RAF1: variants seen among roughly 807,000 people sequenced by gnomAD.
RAF1 encodes the protein Raf-1 proto-oncogene, serine/threonine kinase, also known as RAF proto-oncogene serine/threonine-protein kinase.
In RAF1, 27 loss-of-function variants were observed where a neutral mutation model predicts 81.1. That is an observed-to-expected ratio of 0.33 (90% CI 0.25 to 0.46). The LOEUF (loss-of-function observed/expected upper bound fraction) is 0.46, where lower values mean the gene tolerates loss of function less well. Ranked by LOEUF, RAF1 falls within the 20% of genes least tolerant of loss-of-function variation. The pLI is 1.00. For synonymous variants in RAF1, 298 were observed against 294.0 expected (o/e 1.01, Z -0.14); for missense variants, 598 against 826.0 (o/e 0.72, Z 3.38).
At chr3:12,651,788 T>A (rs1286463151) in intron 1 of RAF1, among the ~76,000 whole-genome samples, 1 of 151,312 alleles carries the variant, frequency 6.6e-6, no homozygotes, top group Non-Finnish European at 1.5e-5. Context: ...GGCGGGCAAA[T>A]CACTTGAGGT....
At chr3:12,652,304 T>C (rs1213725250) in intron 1 of RAF1, among the ~76,000 whole-genome samples, 1 of 151,718 alleles carries the variant, frequency 6.6e-6, no homozygotes, top group Non-Finnish European at 1.5e-5. Flanking sequence ...GGGCGGATCA[T>C]AAGGTCAGGA....
At chr3:12,648,075 A>T (rs1270927180) in intron 1 of RAF1, among the ~76,000 whole-genome samples, 1 of 152,190 alleles carries the variant, frequency 6.6e-6, no homozygotes, top group Non-Finnish European at 1.5e-5. Context: ...TTTCATTTTA[A>T]ATCACATTGT....
At chr3:12,586,655 A>G (rs999410114) in intron 14 of RAF1, among the ~76,000 whole-genome samples, 2 of 152,188 alleles carry the variant, frequency 1.3e-5, no homozygotes, top group Non-Finnish European at 2.9e-5. Context: ...GTGGGTTGTA[A>G]TGCCATCTTT....
At chr3:12,607,029 C>T (rs1227582689) in intron 5 of RAF1, among the ~76,000 whole-genome samples, 1 of 152,156 alleles carries the variant, frequency 6.6e-6, no homozygotes, top group Admixed American at 6.5e-5. Flanking sequence ...CTGTGTCTAG[C>T]TATATCAAAA....
rs1230310976 is a variant in RAF1 at position 12,641,464 on chromosome 3, T to TC, written c.-27+22348dup. ...AATTTCCAAATATTTGGTGGACATG[T>TC]CCCCCCCAAAAAAAAATGTTTTTTG... On this transcript the variant is annotated intron_variant, in intron 1 of 17. Coordinates refer to ENST00000442415, the MANE Select transcript of RAF1 (RefSeq NM_001354689.3). 1.7e-4 allele frequency among the ~76,000 whole-genome samples: 24 copies of TC among 144,522 alleles called. No homozygotes were observed. In the East Asian group the frequency reaches 2.2e-3, roughly 13 times the overall value. The allele number at this position is 144,522 out of a possible 152,430, so 94.8% of individuals were successfully genotyped here.
intron 13 of RAF1, 120 bp downstream of exon 12, chr3:12,590,678 G>T: frequency 8.4e-7 from 1 of 1,186,198 alleles, no homozygotes; most frequent in Non-Finnish European, 1.2e-6. Flanking sequence ...CAGGCCAGAG[G>T]CTTGTGCAAA....
At chr3:12,587,570 A>AACTC in intron 14 of RAF1, 21 bp downstream of exon 13, 1 of 1,597,746 alleles carries the variant, frequency 6.3e-7, no homozygotes, top group East Asian at 2.2e-5. Flanking sequence ...CAGTCAAATG[A>AACTC]ACTCAACAAC....
chr3:12,593,183 G>A (rs181187582), intron 11 of RAF1, among the ~76,000 whole-genome samples: 220 of 138,846 alleles, frequency 1.6e-3, no homozygotes, highest in African/African-American at 5.0e-3. Flanking sequence ...CTCCGCAAGC[G>A]ATTCTCCTGC....
intron 1 of RAF1, among the ~76,000 whole-genome samples, chr3:12,639,938 T>C (rs1448374010): frequency 6.6e-6 from 1 of 152,162 alleles, no homozygotes; most frequent in Non-Finnish European, 1.5e-5. Context: ...AGAACAAAGC[T>C]GGAGGCATCA....
intron 13 of RAF1, chr3:12,587,962 C>CTTTTTTTTTTTTT (rs33981119): frequency 1.4e-4 from 9 of 62,552 alleles, no homozygotes; most frequent in African/African-American, 6.8e-4. Context: ...ACCATGCCGC[C>CTTTTTTTTTTTTT]TTTTTTTTTT....
intron 1 of RAF1, among the ~76,000 whole-genome samples, chr3:12,651,813 C>T (rs1015185576): frequency 6.6e-6 from 1 of 151,326 alleles, no homozygotes; most frequent in Non-Finnish European, 1.5e-5. Flanking sequence ...AGGTTGAGAC[C>T]AGCCTGGCCA....
rs374944110 is a variant in RAF1, at chr3:12,583,886, C to T, written c.*628G>A. ...ACTGCTCCCTGAGAGGGCTGAGATG[C>T]GGATTGGCCGAGTGCCTTGCCTGGA... On this transcript the variant is annotated 3_prime_UTR_variant, in exon 18 of 18. Coordinates refer to ENST00000442415, the MANE Select transcript of RAF1 (RefSeq NM_001354689.3). 20 of 234,944 alleles carry T rather than the reference C, an allele frequency of 8.5e-5. No homozygotes were observed. The highest frequency in any genetic ancestry group is 6.0e-4 in the East Asian group (10 of 16,586). 14.6% of individuals were successfully genotyped at this position (234,944 alleles called of 1,614,324 possible).
At chr3:12,637,207 C>T (rs1385904207) in intron 1 of RAF1, among the ~76,000 whole-genome samples, 1 of 152,176 alleles carries the variant, frequency 6.6e-6, no homozygotes, top group Admixed American at 6.6e-5. Flanking sequence ...ACTAGATTAT[C>T]ACCTAGGAAC....
intron 1 of RAF1, among the ~76,000 whole-genome samples, chr3:12,654,118 A>C (rs1422008618): frequency 6.6e-6 from 1 of 151,882 alleles, no homozygotes; most frequent in Admixed American, 6.6e-5. Context: ...CAGCCTACCA[A>C]GTAGCTGGGA....
chr3:12,603,476 A>G lies in RAF1; in HGVS notation c.894+2T>C. On this transcript the variant is annotated splice_donor_variant, in intron 8 of 17. Transcript: ENST00000442415. LOFTEE classifies it high-confidence loss of function. ...AGCAAAGGCATGAAGAAAAATACCTACTCTTCCCCTCAAACAAAATCGTCT... is the reference window on the plus strand; with the variant it reads ...AGCAAAGGCATGAAGAAAAATACCTGCTCTTCCCCTCAAACAAAATCGTCT... The G allele has an allele frequency of 2.9e-6, 2 of 697,094 alleles. No individual in the cohort carries two copies. The highest frequency in any genetic ancestry group is 2.7e-5 in the East Asian group (1 of 37,224). 43.2% of individuals were successfully genotyped at this position (697,094 alleles called of 1,614,324 possible). A position where few individuals can be genotyped will look rare whatever the true frequency, so the allele number is the denominator to read the frequency against.
chr3:12,601,665 T>C (rs1053062296), intron 8 of RAF1, among the ~76,000 whole-genome samples: 2 of 151,928 alleles, frequency 1.3e-5, no homozygotes, highest in Non-Finnish European at 2.9e-5. Context: ...AAGATAAAAT[T>C]ATATATCTAA....
At chr3:12,640,930 A>ATT in intron 1 of RAF1, among the ~76,000 whole-genome samples, 1 of 152,156 alleles carries the variant, frequency 6.6e-6, no homozygotes, top group Non-Finnish European at 1.5e-5. Flanking sequence ...TTATTGTGGT[A>ATT]CTATTCACAA....
At chr3:12,632,066 G>A (rs907012574) in intron 1 of RAF1, among the ~76,000 whole-genome samples, 1 of 152,046 alleles carries the variant, frequency 6.6e-6, no homozygotes, top group African/African-American at 2.4e-5. Flanking sequence ...AGTGGCTCAC[G>A]CCTGTAATCT....
intron 1 of RAF1, among the ~76,000 whole-genome samples, chr3:12,655,328 C>T (rs958345477): frequency 7.9e-5 from 12 of 152,130 alleles, no homozygotes; most frequent in African/African-American, 7.2e-5. Context: ...TCAGGTGATC[C>T]GCCCGCCTCG....
Sources: allele counts gnomAD v4.1 joint callset (sites outside exome capture counted in the v4.1 genomes callset), GRCh38; gene constraint gnomAD v4.1.1; transcripts MANE v1.5; gene names NCBI Gene and HGNC (gene_info 2026-07-23, HGNC 2026-07-21).